The following NTM variants were observed in gnomAD, a reference collection of about 807,000 sequenced individuals.
NTM encodes neurotrimin, also known as IgLON family member 2.
NTM carries 13 observed loss-of-function variants against 42.1 expected under a neutral mutation model. The ratio of observed to expected loss-of-function variants is 0.31; its 90% CI spans 0.20 to 0.49. The LOEUF (loss-of-function observed/expected upper bound fraction) is 0.49. NTM is among the 20% of genes least tolerant of loss of function. The probability of loss-of-function intolerance (pLI) is 0.99; values close to 1 mark genes in which losing one functional copy is unlikely to be tolerated. For missense variants in NTM, 373 were observed against 452.8 expected (o/e 0.82, Z 1.60); for synonymous variants, 187 against 179.2 (o/e 1.04, Z -0.35).
At chr11:131,739,572 C>T (rs551690160) in intron 1 of NTM, among the ~76,000 whole-genome samples, 1 of 152,312 alleles carries the variant, frequency 6.6e-6, no homozygotes, top group African/African-American at 2.4e-5. Flanking sequence ...GCTCTGTCCT[C>T]CGCGGTTCCT....
At chr11:131,677,650 G>A (rs148392987) in intron 1 of NTM, among the ~76,000 whole-genome samples, 282 of 152,318 alleles carry the variant, frequency 1.9e-3, no homozygotes, top group African/African-American at 5.9e-3. Context: ...AGGGTCAAGC[G>A]CTTTGCCAAG....
At chr11:132,087,076 T>A (rs2136348955) in intron 2 of NTM, among the ~76,000 whole-genome samples, 1 of 152,274 alleles carries the variant, frequency 6.6e-6, no homozygotes, top group East Asian at 1.9e-4. Flanking sequence ...CCCTGGTTCC[T>A]TTCTCTTCCT....
intron 4 of NTM, among the ~76,000 whole-genome samples, chr11:132,259,897 C>T (rs1386273023): frequency 6.6e-6 from 1 of 151,854 alleles, no homozygotes; most frequent in South Asian, 2.1e-4. Flanking sequence ...TACAGGAGTG[C>T]ACCACCATGC....
chr11:132,227,977 C>A (rs2086668468), intron 4 of NTM, among the ~76,000 whole-genome samples: 2 of 152,190 alleles, frequency 1.3e-5, no homozygotes, highest in African/African-American at 4.8e-5. Context: ...CAATATTTAA[C>A]CCTGCATGAC....
intron 2 of NTM, among the ~76,000 whole-genome samples, chr11:132,000,096 A>T (rs1399907469): frequency 6.6e-6 from 1 of 152,202 alleles, no homozygotes; most frequent in Non-Finnish European, 1.5e-5. Context: ...TCAGGTGAGC[A>T]CAGGCTGACT....
chr11:132,119,916 G>A (rs1028327615), intron 2 of NTM, among the ~76,000 whole-genome samples: 1 of 152,220 alleles, frequency 6.6e-6, no homozygotes, highest in Non-Finnish European at 1.5e-5. Flanking sequence ...TCAGCTCCTG[G>A]GGAGATGCAG....
At chr11:131,594,454 G>A (rs1387491363) in intron 1 of NTM, among the ~76,000 whole-genome samples, 1 of 151,816 alleles carries the variant, frequency 6.6e-6, no homozygotes. Flanking sequence ...GGAATGCAGT[G>A]GTGAGATTTC....
chr11:131,539,527 G>A (rs1374186980), intron 1 of NTM: 1 of 152,226 alleles, frequency 6.6e-6, no homozygotes, highest in Non-Finnish European at 1.5e-5. Context: ...GACAAGGATG[G>A]GAAGCACCTA....
At chr11:131,926,267 C>G (rs1019218423) in intron 2 of NTM, among the ~76,000 whole-genome samples, 2 of 152,146 alleles carry the variant, frequency 1.3e-5, no homozygotes, top group African/African-American at 2.4e-5. Flanking sequence ...GAGCAGCGCA[C>G]AAGCTGCACA....
rs561504230 is a variant in NTM, at chr11:132,090,333, G to A, written c.168-55949G>A. On this transcript the variant is annotated intron_variant, in intron 2 of 8. Transcript: ENST00000683400. Reference sequence around the variant, plus strand: ...ATGGCAGAGAGCGTGTTAGGCCCACGAAAAAGCTGGGACACAGAGAAAGTT... The same window carrying A: ...ATGGCAGAGAGCGTGTTAGGCCCACAAAAAAGCTGGGACACAGAGAAAGTT... 5.3e-5 allele frequency among the ~76,000 whole-genome samples: 8 copies of A among 152,120 alleles called. No homozygotes were observed. The East Asian group carries it at 5.8e-4, about 11-fold the overall frequency.
At chr11:132,332,051 T>G (rs918065398) in intron 8 of NTM, among the ~76,000 whole-genome samples, 7 of 152,102 alleles carry the variant, frequency 4.6e-5, no homozygotes, top group Non-Finnish European at 8.8e-5. Flanking sequence ...AGGATCATGA[T>G]CGATTTGGGG....
chr11:132,010,468 G>A (rs993731957), intron 2 of NTM, among the ~76,000 whole-genome samples: 5 of 152,086 alleles, frequency 3.3e-5, no homozygotes, highest in Non-Finnish European at 5.9e-5. Context: ...CAGTCTGCTC[G>A]GACCTCTGCT....
chr11:132,205,225 C>T (rs1290181466), intron 3 of NTM, among the ~76,000 whole-genome samples: 1 of 152,094 alleles, frequency 6.6e-6, no homozygotes, highest in Non-Finnish European at 1.5e-5. Context: ...CTGCATGCGC[C>T]GTGCAGTTAC....
intron 4 of NTM, among the ~76,000 whole-genome samples, chr11:132,233,825 C>G (rs1432133222): frequency 6.6e-6 from 1 of 152,194 alleles, no homozygotes; most frequent in African/African-American, 2.4e-5. Flanking sequence ...CTCCATACTC[C>G]CTTTTTGTTG....
At chr11:131,654,760 C>T (rs2066964366) in intron 1 of NTM, among the ~76,000 whole-genome samples, 1 of 152,162 alleles carries the variant, frequency 6.6e-6, no homozygotes, top group South Asian at 2.1e-4. Context: ...CACCATGTGA[C>T]ACACCCACTC....
intron 1 of NTM, among the ~76,000 whole-genome samples, chr11:131,840,384 C>A (rs2044081778): frequency 6.6e-6 from 1 of 152,098 alleles, no homozygotes; most frequent in South Asian, 2.1e-4. Flanking sequence ...GTGAGGAAGG[C>A]ACATCATGGA....
chr11:131,547,762 T>TCTCCTAGTCCC (rs563949565), intron 1 of NTM, among the ~76,000 whole-genome samples: 2 of 152,284 alleles, frequency 1.3e-5, no homozygotes, highest in South Asian at 2.1e-4. Flanking sequence ...CTTTTAGTTC[T>TCTCCTAGTCCC]CTCCTAGTCC....
intron 3 of NTM, among the ~76,000 whole-genome samples, chr11:132,187,623 G>T (rs1177770473): frequency 6.6e-6 from 1 of 152,122 alleles, no homozygotes; most frequent in Non-Finnish European, 1.5e-5. Context: ...CCTCCAGAAG[G>T]GGCAGTGAGA....
At chr11:131,802,404 T>G (rs2092193742) in intron 1 of NTM, among the ~76,000 whole-genome samples, 1 of 152,226 alleles carries the variant, frequency 6.6e-6, no homozygotes, top group South Asian at 2.1e-4. Flanking sequence ...TCCCTCAGAA[T>G]TCATAATTCC....
Sources: allele counts gnomAD v4.1 joint callset (sites outside exome capture counted in the v4.1 genomes callset), GRCh38; gene constraint gnomAD v4.1.1; transcripts MANE v1.5; gene names NCBI Gene and HGNC (gene_info 2026-07-23, HGNC 2026-07-21).